Variants in OR5D3 observed in about 807,000 individuals in gnomAD.
OR5D3 encodes the protein olfactory receptor 5D3.
the OR5D3 span, chr11:55,727,132 A>G: frequency 2.5e-6 from 1 of 399,238 alleles, no homozygotes; most frequent in Non-Finnish European, 4.4e-6. Flanking sequence ...GTTAGTCATT[A>G]CCAAATTATT....
the OR5D3 span, chr11:55,726,652 G>A: frequency 5.0e-6 from 2 of 400,260 alleles, no homozygotes; most frequent in Non-Finnish European, 4.4e-6. Flanking sequence ...GTTAGTGGCT[G>A]CATCATACTC....
the OR5D3 span, chr11:55,727,492 T>A: frequency 1.3e-5 from 2 of 159,594 alleles, no homozygotes; most frequent in Admixed American, 1.3e-4. Context: ...ATGAGGAAGT[T>A]TACCTGATAA....
the OR5D3 span, chr11:55,723,926 C>T: frequency 2.0e-5 from 8 of 395,284 alleles, no homozygotes; most frequent in Admixed American, 8.8e-5. Flanking sequence ...AATATACTCT[C>T]GACACTCCTA....
the OR5D3 span, chr11:55,728,463 A>G: frequency 1.3e-5 from 2 of 152,102 alleles, no homozygotes; most frequent in South Asian, 4.1e-4. Context: ...CCATGGCTCT[A>G]ATTGGTTTTA....
At chr11:55,726,220 C>CA in the OR5D3 span, 31 of 399,352 alleles carry the variant, frequency 7.8e-5, no homozygotes, top group African/African-American at 6.0e-4. Flanking sequence ...TCACAGGATT[C>CA]AAAAAAATCA....
At chr11:55,725,213 C>A in the OR5D3 span, among the ~76,000 whole-genome samples, 2 of 152,016 alleles carry the variant, frequency 1.3e-5, no homozygotes, top group Non-Finnish European at 2.9e-5. Context: ...CATTAGCAAT[C>A]TTTCTGCTTC....
At chr11:55,725,293 G>A in the OR5D3 span, among the ~76,000 whole-genome samples, 2 of 151,924 alleles carry the variant, frequency 1.3e-5, no homozygotes, top group African/African-American at 2.4e-5. Flanking sequence ...ATGCCTTGTG[G>A]CATCAAGGCA....
chr11:55,724,951 T>A, the OR5D3 span, among the ~76,000 whole-genome samples: 1 of 151,880 alleles, frequency 6.6e-6, no homozygotes. Context: ...TAAAGGAGAA[T>A]GGGGAAAATA....
chr11:55,727,350 C>A, the OR5D3 span: 2 of 358,732 alleles, frequency 5.6e-6, no homozygotes, highest in Non-Finnish European at 9.9e-6. Flanking sequence ...AATTTTTGAT[C>A]GAGAATATTG....
At chr11:55,729,107 C>A in the OR5D3 span, 2 of 151,916 alleles carry the variant, frequency 1.3e-5, no homozygotes, top group Non-Finnish European at 2.9e-5. Context: ...AGTTGCTAAT[C>A]CCTTTAATAC....
chr11:55,726,034 A>T, the OR5D3 span, among the ~76,000 whole-genome samples: 1 of 151,876 alleles, frequency 6.6e-6, no homozygotes, highest in Non-Finnish European at 1.5e-5. Context: ...AATCCTATTC[A>T]CCTTGTAATT....
the OR5D3 span, among the ~76,000 whole-genome samples, chr11:55,725,548 C>G: frequency 6.6e-6 from 1 of 151,974 alleles, no homozygotes; most frequent in Non-Finnish European, 1.5e-5. Flanking sequence ...ACTACAGAAA[C>G]ATACATCACA....
the OR5D3 span, chr11:55,729,085 GAAAA>G: frequency 6.6e-6 from 1 of 151,708 alleles, no homozygotes; most frequent in African/African-American, 2.4e-5. Flanking sequence ...AAAAATCAAA[GAAAA>G]AAAGAATAGT....
chr11:55,723,949 G>T, the OR5D3 span: 4 of 397,144 alleles, frequency 1.0e-5, no homozygotes, highest in Non-Finnish European at 1.8e-5. Flanking sequence ...GTTGTTTTCA[G>T]GTTTGTTTCT....
At chr11:55,726,226 A>C in the OR5D3 span, 1 of 399,910 alleles carries the variant, frequency 2.5e-6, no homozygotes, top group Non-Finnish European at 4.4e-6. Context: ...GATTCAAAAA[A>C]ATCAGACTGC....
At chr11:55,725,444 T>G in the OR5D3 span, among the ~76,000 whole-genome samples, 1 of 152,120 alleles carries the variant, frequency 6.6e-6, no homozygotes, top group East Asian at 1.9e-4. Flanking sequence ...AGTACTTTCA[T>G]GTTTATTATT....
chr11:55,728,800 C>T, the OR5D3 span: 2 of 152,030 alleles, frequency 1.3e-5, no homozygotes, highest in South Asian at 4.2e-4. Context: ...GCAAAAGTAA[C>T]AGAGGATTTA....
the OR5D3 span, chr11:55,726,656 C>A: frequency 5.0e-6 from 2 of 399,992 alleles, no homozygotes; most frequent in South Asian, 1.3e-4. Context: ...GTGGCTGCAT[C>A]ATACTCTTGG....
the OR5D3 span, chr11:55,726,777 C>T: frequency 5.0e-6 from 2 of 398,916 alleles, no homozygotes; most frequent in East Asian, 3.6e-5. Context: ...TTGCTGTGTC[C>T]TGCTCTGACC....
Sources: allele counts gnomAD v4.1 joint callset (sites outside exome capture counted in the v4.1 genomes callset), GRCh38; gene constraint gnomAD v4.1.1; transcripts MANE v1.5; gene names NCBI Gene and HGNC (gene_info 2026-07-23, HGNC 2026-07-21).